The following TBCE variants were observed in gnomAD, a reference collection of about 807,000 sequenced individuals.
TBCE encodes tubulin-specific chaperone E.
A neutral mutation model predicts 77.0 loss-of-function variants in TBCE; 53 were observed. That is an observed-to-expected ratio of 0.69 (90% CI 0.55 to 0.87). TBCE has a LOEUF of 0.87. TBCE is among the 40% of genes least tolerant of loss of function. The probability of loss-of-function intolerance (pLI) is 0.00; values close to 1 mark genes in which losing one functional copy is unlikely to be tolerated. For synonymous variants in TBCE, 235 were observed against 241.3 expected, an observed-to-expected ratio of 0.97 and a Z score of 0.24; for missense variants, 624 against 622.4, an observed-to-expected ratio of 1.00 and a Z score of -0.03.
chr1:235,413,636 C>A, intron 3 of TBCE, among the ~76,000 whole-genome samples: 1 of 147,604 alleles, frequency 6.8e-6, no homozygotes. Context: ...GCACTCCAGT[C>A]TGGGCAATAG....
At chr1:235,388,503 G>A (rs879650341) in intron 2 of TBCE, among the ~76,000 whole-genome samples, 3 of 151,944 alleles carry the variant, frequency 2.0e-5, no homozygotes, top group Non-Finnish European at 4.4e-5. Flanking sequence ...TGGCCAGGCT[G>A]GTCTCGAACT....
At chr1:235,388,120 G>GTGGAATA (rs1678137515) in intron 2 of TBCE, among the ~76,000 whole-genome samples, 1 of 152,086 alleles carries the variant, frequency 6.6e-6, no homozygotes, top group South Asian at 2.1e-4. Context: ...TTGAAAGCAT[G>GTGGAATA]CTCTCAACTT....
intron 10 of TBCE, 34 bp downstream of exon 10, chr1:235,436,484 C>T: frequency 6.2e-7 from 1 of 1,610,656 alleles, no homozygotes; most frequent in Non-Finnish European, 8.5e-7. Context: ...CCACTGCCCC[C>T]CCACACTATA....
chr1:235,441,641 A>G, intron 13 of TBCE, 173 bp from the exon 14 acceptor site: 1 of 619,286 alleles, frequency 1.6e-6, no homozygotes, highest in South Asian at 1.9e-5. Context: ...TGCCCTTGGA[A>G]GTGGTCGTTG....
At chr1:235,368,717 C>T (rs983775595) in intron 1 of TBCE, among the ~76,000 whole-genome samples, 2 of 151,522 alleles carry the variant, frequency 1.3e-5, no homozygotes, top group East Asian at 3.9e-4. Context: ...GCCACCATGC[C>T]CAGCTAATTT....
In TBCE at chr1:235,449,008, A is replaced by G; in HGVS notation, c.*246A>G. ...TATTTCATATTTATTTTTACAGCTC[A>G]TCACTGCATTTCATGATAAGATTTA... is the stretch of plus-strand genomic sequence containing the variant. On this transcript the variant is annotated 3_prime_UTR_variant, in exon 17 of 17. Transcript: ENST00000642610. The G allele has an allele frequency of 2.5e-6, 1 of 407,476 alleles. No individual in the cohort carries two copies. Among genetic ancestry groups the G allele is most frequent in the Non-Finnish European group, 4.6e-6 (1 of 218,114 alleles). 25.2% of individuals were successfully genotyped at this position (407,476 alleles called of 1,614,324 possible).
chr1:235,384,403 C>G (rs1418019592), intron 2 of TBCE, among the ~76,000 whole-genome samples: 4 of 146,160 alleles, frequency 2.7e-5, no homozygotes, highest in African/African-American at 1.0e-4. Flanking sequence ...ACCTGTTCCT[C>G]CTTGTACCTC....
At chr1:235,377,242 C>T (rs934371750) in intron 1 of TBCE, among the ~76,000 whole-genome samples, 2 of 152,202 alleles carry the variant, frequency 1.3e-5, no homozygotes, top group African/African-American at 4.8e-5. Context: ...TGCAGTGGCA[C>T]GATCTTGGCT....
intron 1 of TBCE, among the ~76,000 whole-genome samples, chr1:235,371,793 C>A (rs566119199): frequency 3.9e-5 from 6 of 152,144 alleles, no homozygotes; most frequent in Non-Finnish European, 8.8e-5. Context: ...CTGCCTCAGC[C>A]TCCCAAGTAG....
intron 2 of TBCE, among the ~76,000 whole-genome samples, chr1:235,387,165 C>G (rs1678063766): frequency 6.6e-6 from 1 of 152,182 alleles, no homozygotes; most frequent in Non-Finnish European, 1.5e-5. Flanking sequence ...GAAGTTTTGT[C>G]TCAGAGGAGT....
At chr1:235,402,395 G>A (rs888827466) in intron 3 of TBCE, among the ~76,000 whole-genome samples, 2 of 151,834 alleles carry the variant, frequency 1.3e-5, no homozygotes, top group African/African-American at 4.8e-5. Context: ...ATTTTTGATC[G>A]CCTGATGTCA....
At position 235,419,490 on chromosome 1, in the gene TBCE, A is replaced by G. The variant is rs777909796; in HGVS notation, c.389A>G (p.Gln130Arg). The change falls in exon 5 of 17, where the codon CAA becomes CGA. Residue 130 changes from glutamine to arginine, a missense_variant. Physicochemically the swap from Gln to Arg is conservative, Grantham distance 43. Transcript: ENST00000642610. Reference protein sequence around the residue: ...MKQQSQLSKLQEVSLRNCAVS... With the variant: ...MKQQSQLSKLREVSLRNCAVS... ...TCATGCAGTCAGCTGAGCAAGTTGC[A>G]AGAAGTTTCTCTGAGGAACTGTGCA... is the stretch of plus-strand genomic sequence containing the variant. 2.7e-5 allele frequency: 43 copies of G among 1,614,022 alleles called. No individual in the cohort carries two copies. Among genetic ancestry groups the G allele is most frequent in the Non-Finnish European group, 8.5e-7 (1 of 1,180,038 alleles).
chr1:235,430,919 C>A, intron 7 of TBCE, 115 bp downstream of exon 7: 2 of 865,492 alleles, frequency 2.3e-6, no homozygotes, highest in Non-Finnish European at 3.8e-6. Context: ...TAAATCATCC[C>A]AGTATCTATT....
At chr1:235,389,857 C>T (rs1558354167) in intron 2 of TBCE, among the ~76,000 whole-genome samples, 1 of 152,062 alleles carries the variant, frequency 6.6e-6, no homozygotes, top group African/African-American at 2.4e-5. Flanking sequence ...GGCGTGGTGG[C>T]TCATGCCTGT....
chr1:235,397,504 C>T (rs1351081005), intron 2 of TBCE, among the ~76,000 whole-genome samples: 1 of 152,128 alleles, frequency 6.6e-6, no homozygotes, highest in Non-Finnish European at 1.5e-5. Context: ...TAAGCCACCG[C>T]GTCCGGCACT....
intron 2 of TBCE, among the ~76,000 whole-genome samples, chr1:235,397,457 C>T (rs572134493): frequency 3.9e-5 from 6 of 152,314 alleles, no homozygotes; most frequent in African/African-American, 1.4e-4. Flanking sequence ...TTGTGATCCA[C>T]CCGCTTTGGC....
At chr1:235,415,359 G>A (rs1044944851) in intron 4 of TBCE, 4 of 152,234 alleles carry the variant, frequency 2.6e-5, no homozygotes, top group Non-Finnish European at 5.9e-5. Flanking sequence ...CTTTGTACAA[G>A]GAGGCTTTCT....
rs75832955 is a variant in TBCE, at chr1:235,434,210, C to T, written c.667C>T (p.Arg223Trp). The change falls in exon 8 of 17, where the codon CGG (arginine) becomes TGG (tryptophan). Residue 223 changes from arginine (R) to tryptophan (W), a missense_variant. Coordinates refer to ENST00000642610, the MANE Select transcript of TBCE (RefSeq NM_003193.5). ...AACCGAGTTTCTCTTCCAGGTGCTGCGGTGTGTCGCGGGGTGCCCAGGCCT... is the reference window on the plus strand; with the variant it reads ...AACCGAGTTTCTCTTCCAGGTGCTGTGGTGTGTCGCGGGGTGCCCAGGCCT... Reference protein sequence around the residue: ...QTGITWAEVLRCVAGCPGLEE... With the variant: ...QTGITWAEVLWCVAGCPGLEE... 2.3e-4 allele frequency: 369 copies of T among 1,614,056 alleles called. 1 individual carries two copies. The East Asian group carries it at 7.2e-3, about 31-fold the overall frequency.
intron 5 of TBCE, among the ~76,000 whole-genome samples, chr1:235,422,465 G>A (rs1436297603): frequency 2.7e-5 from 4 of 150,758 alleles, no homozygotes; most frequent in East Asian, 3.9e-4. Context: ...GCAGTGAGCC[G>A]AGATCACACC....
Sources: allele counts gnomAD v4.1 joint callset (sites outside exome capture counted in the v4.1 genomes callset), GRCh38; gene constraint gnomAD v4.1.1; transcripts MANE v1.5; gene names NCBI Gene and HGNC (gene_info 2026-07-23, HGNC 2026-07-21).